TUSC3: variants seen among roughly 807,000 people sequenced by gnomAD.
TUSC3 encodes dolichyl-diphosphooligosaccharide--protein glycosyltransferase subunit TUSC3.
Under a neutral mutation model 44.8 loss-of-function variants are expected in TUSC3, and 45 were observed. The observed-to-expected ratio is 1.00, with a 90% CI of 0.79 to 1.29. The LOEUF is 1.29. TUSC3 is among the 50% of genes most tolerant of loss of function. TUSC3 has a pLI of 0.00. For synonymous variants in TUSC3, 212 were observed against 152.9 expected (o/e 1.39, Z -2.85); for missense variants, 519 against 437.9 (o/e 1.19, Z -1.65).
chr8:15,496,598 C>T lies in TUSC3; in HGVS notation n.189+13115C>T, dbSNP rs548499329. Among the ~76,000 whole-genome samples the T allele has an allele frequency of 9.9e-5, 15 of 152,230 alleles. No homozygotes were observed. In the East Asian group the frequency reaches 2.7e-3, roughly 27 times the overall value. On this transcript the variant is annotated intron_variant and non_coding_transcript_variant, in intron 2 of 5. Transcript: ENST00000503191. ...CTTACCAGGCTCAGCACATTTCCAGCTGGGCTATTCTGTGCCTTGACCCTA... is the reference window on the plus strand; with the variant it reads ...CTTACCAGGCTCAGCACATTTCCAGTTGGGCTATTCTGTGCCTTGACCCTA...
At chr8:15,523,702 G>GTATATATATATATATATATATATATATA (rs1563273682) in intron 2 of TUSC3, among the ~76,000 whole-genome samples, 3 of 112,038 alleles carry the variant, frequency 2.7e-5, no homozygotes, top group Non-Finnish European at 3.5e-5. Context: ...GTGTGTGTGT[G>GTATATATATATATATATATATATATATA]TGTGTGTATA....
the TUSC3 span, among the ~76,000 whole-genome samples, chr8:15,832,089 G>A: frequency 6.6e-6 from 1 of 152,114 alleles, no homozygotes; most frequent in South Asian, 2.1e-4. Context: ...GACTAACAGT[G>A]GATTGCTCAG....
At chr8:15,832,359 C>T in the TUSC3 span, among the ~76,000 whole-genome samples, 1 of 152,140 alleles carries the variant, frequency 6.6e-6, no homozygotes, top group African/African-American at 2.4e-5. Flanking sequence ...TGTGACACTA[C>T]ACATCAGCCA....
intron 6 of TUSC3, among the ~76,000 whole-genome samples, chr8:15,717,641 T>C (rs912268215): frequency 6.6e-6 from 1 of 152,108 alleles, no homozygotes; most frequent in Non-Finnish European, 1.5e-5. Flanking sequence ...CTTTGGAGTC[T>C]TTCCATGTCA....
chr8:15,841,789 C>T, the TUSC3 span, among the ~76,000 whole-genome samples: 1 of 152,338 alleles, frequency 6.6e-6, no homozygotes, highest in South Asian at 2.1e-4. Context: ...GCTGCGATTA[C>T]AGCTGTGAGC....
At chr8:15,555,819 T>C (rs1802239878) in intron 1 of TUSC3, among the ~76,000 whole-genome samples, 1 of 151,448 alleles carries the variant, frequency 6.6e-6, no homozygotes, top group Admixed American at 6.6e-5. Context: ...GTATTAACTT[T>C]AGGTAAATTT....
chr8:15,562,894 A>G (rs1171101836), intron 1 of TUSC3, among the ~76,000 whole-genome samples: 1 of 152,164 alleles, frequency 6.6e-6, no homozygotes, highest in African/African-American at 2.4e-5. Flanking sequence ...TAAATAACTC[A>G]GAGTTAATAG....
rs918609089 is a variant in TUSC3 at position 15,435,341 on chromosome 8, C to T, written n.91+18036C>T. ...TGGCTGCATAAATGCAACAAGTGGG[C>T]GAAGGATATGAACAGACACTTCTCA... is the stretch of plus-strand genomic sequence containing the variant. On this transcript the variant is annotated intron_variant and non_coding_transcript_variant, in intron 1 of 5. Coordinates refer to the TUSC3 transcript ENST00000503191. Among the ~76,000 whole-genome samples, 11 of 151,970 alleles carry T rather than the reference C, an allele frequency of 7.2e-5. 1 individual carries two copies. Among genetic ancestry groups the T allele is most frequent in the South Asian group, 6.2e-4 (3 of 4,806 alleles).
chr8:15,443,132 C>G (rs933593194), intron 1 of TUSC3, among the ~76,000 whole-genome samples: 1 of 151,958 alleles, frequency 6.6e-6, no homozygotes, highest in Non-Finnish European at 1.5e-5. Context: ...TAAATAAAAT[C>G]TGACATTTTT....
At chr8:15,701,747 C>T (rs181911149) in intron 6 of TUSC3, among the ~76,000 whole-genome samples, 4 of 152,180 alleles carry the variant, frequency 2.6e-5, no homozygotes, top group African/African-American at 9.6e-5. Flanking sequence ...TTAAGACAGG[C>T]AGCTTATGTG....
At chr8:15,722,832 A>T (rs79660397) in intron 6 of TUSC3, among the ~76,000 whole-genome samples, 3 of 54,156 alleles carry the variant, frequency 5.5e-5, no homozygotes, top group African/African-American at 1.8e-4. Context: ...CTGTTTAAAT[A>T]AAAAAAAACC....
chr8:15,795,520 A>G, the TUSC3 span, among the ~76,000 whole-genome samples: 1 of 152,200 alleles, frequency 6.6e-6, no homozygotes, highest in African/African-American at 2.4e-5. Context: ...GGATAAACTA[A>G]TGAGAGCCTC....
intron 1 of TUSC3, among the ~76,000 whole-genome samples, chr8:15,446,350 T>A (rs2129119397): frequency 6.6e-6 from 1 of 152,128 alleles, no homozygotes; most frequent in Non-Finnish European, 1.5e-5. Flanking sequence ...GGCTGCAATC[T>A]CGGCACTTTG....
intron 1 of TUSC3, among the ~76,000 whole-genome samples, chr8:15,456,153 G>C (rs1034104120): frequency 6.6e-6 from 1 of 152,100 alleles, no homozygotes; most frequent in Admixed American, 6.6e-5. Context: ...CCTCACACTA[G>C]CTTTGAAAAA....
At chr8:15,845,145 A>G in the TUSC3 span, among the ~76,000 whole-genome samples, 1 of 152,134 alleles carries the variant, frequency 6.6e-6, no homozygotes, top group South Asian at 2.1e-4. Flanking sequence ...AAACCTCATC[A>G]TTAACTTTAG....
chr8:15,679,613 C>T (rs1446074254), intron 6 of TUSC3, among the ~76,000 whole-genome samples: 1 of 152,056 alleles, frequency 6.6e-6, no homozygotes, highest in African/African-American at 2.4e-5. Context: ...TTCCACTTGT[C>T]AATTTTTGTT....
intron 1 of TUSC3, among the ~76,000 whole-genome samples, chr8:15,470,437 A>C (rs148550020): frequency 6.6e-5 from 10 of 152,058 alleles, no homozygotes; most frequent in African/African-American, 2.4e-4. Flanking sequence ...CCCTAATATA[A>C]ATTATGGGCT....
intron 1 of TUSC3, among the ~76,000 whole-genome samples, chr8:15,456,315 C>A (rs1043941112): frequency 6.6e-6 from 1 of 152,116 alleles, no homozygotes; most frequent in Non-Finnish European, 1.5e-5. Context: ...GCAGGCGGAA[C>A]CTGTTGAGAA....
intron 1 of TUSC3, among the ~76,000 whole-genome samples, chr8:15,448,422 A>G (rs1180523710): frequency 6.6e-6 from 1 of 152,070 alleles, no homozygotes; most frequent in Non-Finnish European, 1.5e-5. Flanking sequence ...CCCAGCCTAA[A>G]GTATAAATTT....
Sources: gnomAD v4.1 joint callset for allele counts (sites outside exome capture counted in the v4.1 genomes callset) on GRCh38, gnomAD v4.1.1 for gene constraint, MANE v1.5 for transcripts, NCBI Gene and HGNC (gene_info 2026-07-23, HGNC 2026-07-21) for gene names.